SERAC1: variants seen among roughly 807,000 people sequenced by gnomAD.
SERAC1 encodes protein SERAC1.
Under a neutral mutation model 85.7 loss-of-function variants are expected in SERAC1, and 36 were observed. That is an observed-to-expected ratio of 0.42 (90% CI 0.32 to 0.55). The LOEUF is 0.55. SERAC1 is among the 20% of genes least tolerant of loss of function. The pLI is 0.11. For synonymous variants in SERAC1, 242 were observed against 265.3 expected, an observed-to-expected ratio of 0.91 and a Z score of 0.85; for missense variants, 629 against 796.2, an observed-to-expected ratio of 0.79 and a Z score of 2.53.
chr6:158,111,648 T>C (rs939501674), intron 16 of SERAC1, 146 bp from the exon 17 acceptor site: 4 of 560,522 alleles, frequency 7.1e-6, no homozygotes, highest in South Asian at 5.6e-5. Flanking sequence ...TGAAGTTTGA[T>C]TGCAGCTAAA....
intron 8 of SERAC1, 130 bp downstream of exon 8, chr6:158,142,926 G>T (rs1784951502): frequency 2.9e-6 from 2 of 690,684 alleles, no homozygotes; most frequent in African/African-American, 1.8e-5. Context: ...CTGACATCCA[G>T]CCCAGGGCAT....
At chr6:158,140,498 G>A (rs1471674166) in intron 8 of SERAC1, among the ~76,000 whole-genome samples, 1 of 152,196 alleles carries the variant, frequency 6.6e-6, no homozygotes, top group Non-Finnish European at 1.5e-5. Context: ...CTTGCCCTAC[G>A]CATGTCTTCC....
Position 158,119,495 on chromosome 6 carries a change from T to G in SERAC1, c.1167-325A>C, listed in dbSNP as rs1208381090. 6.6e-6 allele frequency among the ~76,000 whole-genome samples: 1 copy of G among 152,222 alleles called. No homozygotes were observed. The highest frequency in any genetic ancestry group is 1.5e-5 in the Non-Finnish European group (1 of 68,042). On this transcript the variant is annotated intron_variant, in intron 11 of 16. Coordinates refer to ENST00000647468, the MANE Select transcript of SERAC1 (RefSeq NM_032861.4). The surrounding 1 kb of genome is among the most constrained non-coding windows in gnomAD (Gnocchi z 4.5). The stretch of plus-strand genomic sequence containing the variant: ...TCTAAAGACTTCCATTTGAGAATAT[T>G]CTACAAATCAATAAAAGTATTTAAG...
chr6:158,128,536 T>A lies in SERAC1; in HGVS notation c.853-266A>T, dbSNP rs1784599155. 3.3e-5 allele frequency among the ~76,000 whole-genome samples: 5 copies of A among 152,226 alleles called. No individual in the cohort carries two copies. The South Asian group carries it at 1.0e-3, about 31-fold the overall frequency. Reference sequence around the variant, plus strand: ...TATTCTCATTCTGCTTAGCTCTTGGTTGGATGTAACCTGACAATGTCATTA... The same window carrying A: ...TATTCTCATTCTGCTTAGCTCTTGGATGGATGTAACCTGACAATGTCATTA... On this transcript the variant is annotated intron_variant, in intron 9 of 16. Transcript: ENST00000647468.
rs1784377477 is a variant in SERAC1 at position 158,119,806 on chromosome 6, T to C, written c.1166+619A>G. Among the ~76,000 whole-genome samples, 1 of 152,250 alleles carries C rather than the reference T, an allele frequency of 6.6e-6. No individual in the cohort carries two copies. The highest frequency in any genetic ancestry group is 6.5e-5 in the Admixed American group (1 of 15,288). On this transcript the variant is annotated intron_variant, in intron 11 of 16. Coordinates refer to ENST00000647468, the MANE Select transcript of SERAC1 (RefSeq NM_032861.4). This position sits in a 1 kb window ranked among gnomAD's most constrained non-coding sequence, Gnocchi z 4.5. ...TAAAAGTTTTTGCTATTTTCTGAGG[T>C]ACTTTTTGTAAAGTGCCCTAAGAAA...
chr6:158,111,019 G>A lies in SERAC1; in HGVS notation c.*347C>T, dbSNP rs906807556. On this transcript the variant is annotated 3_prime_UTR_variant, in exon 17 of 17. Transcript: ENST00000647468. ...AAGTTGAGTTACCTCAGAACCTGCC[G>A]TGCCCCTCCTGGATGCACCAGGAAA... 28 of 167,680 alleles carry A rather than the reference G, an allele frequency of 1.7e-4. No homozygotes were observed. The highest frequency in any genetic ancestry group is 6.3e-4 in the Admixed American group (10 of 15,940). 10.4% of individuals were successfully genotyped at this position (167,680 alleles called of 1,614,324 possible).
At chr6:158,123,136 G>A (rs1315064287) in intron 10 of SERAC1, among the ~76,000 whole-genome samples, 4 of 152,210 alleles carry the variant, frequency 2.6e-5, no homozygotes, top group Non-Finnish European at 4.4e-5. Context: ...GAGAAGTAAT[G>A]AAGGCTGAGC....
intron 8 of SERAC1, among the ~76,000 whole-genome samples, chr6:158,138,370 G>A (rs1316673992): frequency 2.7e-5 from 4 of 149,432 alleles, no homozygotes; most frequent in Non-Finnish European, 5.9e-5. Context: ...AGGAGGCAGA[G>A]GTGGTAGTGA....
At chr6:158,145,838 T>G (rs1785042926) in intron 6 of SERAC1, 1 of 152,154 alleles carries the variant, frequency 6.6e-6, no homozygotes, top group Non-Finnish European at 1.5e-5. Context: ...AATTATTTTT[T>G]TCTACTTTTC....
chr6:158,137,395 C>A (rs1214829172), intron 8 of SERAC1, among the ~76,000 whole-genome samples: 1 of 151,152 alleles, frequency 6.6e-6, no homozygotes, highest in South Asian at 2.1e-4. Context: ...TTTTTTGAGA[C>A]GGAGTCTTGC....
At chr6:158,154,600 G>T (rs769538189) in intron 3 of SERAC1, among the ~76,000 whole-genome samples, 12 of 152,214 alleles carry the variant, frequency 7.9e-5, no homozygotes, top group Admixed American at 7.2e-4. Flanking sequence ...AAGTAAAAGA[G>T]TATGAAAAAT....
intron 5 of SERAC1, among the ~76,000 whole-genome samples, chr6:158,147,768 CAAAA>C (rs71027383): frequency 0.011 from 786 of 68,916 alleles, 8 homozygotes; most frequent in African/African-American, 0.051. Flanking sequence ...GGCTCTGTCT[CAAAA>C]AAAAAAAAAA....
chr6:158,143,816 G>A (rs546395809), intron 7 of SERAC1, among the ~76,000 whole-genome samples: 3 of 152,244 alleles, frequency 2.0e-5, no homozygotes, highest in East Asian at 1.9e-4. Context: ...ACCAGGGCCT[G>A]TTTTGCCCCA....
chr6:158,115,651 G>T (rs1332147241), intron 14 of SERAC1, among the ~76,000 whole-genome samples: 1 of 152,098 alleles, frequency 6.6e-6, no homozygotes, highest in Non-Finnish European at 1.5e-5. Context: ...AAAGTGGACT[G>T]GGGGAGTCGC....
chr6:158,142,194 G>A (rs1784933730), intron 8 of SERAC1, among the ~76,000 whole-genome samples: 1 of 151,100 alleles, frequency 6.6e-6, no homozygotes, highest in Non-Finnish European at 1.5e-5. Context: ...AGGGTCTCAT[G>A]CTGTTGCCCA....
intron 6 of SERAC1, 103 bp downstream of exon 6, chr6:158,146,679 G>T: frequency 6.9e-7 from 1 of 1,443,612 alleles, no homozygotes; most frequent in Non-Finnish European, 9.4e-7. Flanking sequence ...CAAAGTGCTG[G>T]GATTACAGGC....
chr6:158,145,567 C>T (rs2128420655), intron 6 of SERAC1, among the ~76,000 whole-genome samples: 2 of 142,946 alleles, frequency 1.4e-5, no homozygotes, highest in South Asian at 4.4e-4. Flanking sequence ...GTTGTCCAGG[C>T]TGGAGTGGAG....
chr6:158,139,614 A>G (rs981071806), intron 8 of SERAC1, among the ~76,000 whole-genome samples: 4 of 152,212 alleles, frequency 2.6e-5, no homozygotes, highest in African/African-American at 9.6e-5. Flanking sequence ...AGCCTCAGCT[A>G]TTCAGGAGGC....
chr6:158,122,935 C>T (rs377443417), intron 10 of SERAC1, among the ~76,000 whole-genome samples: 50 of 152,128 alleles, frequency 3.3e-4, no homozygotes, highest in Admixed American at 2.9e-3. Flanking sequence ...CACATGAGTA[C>T]GCCATTGTTT....
Sources: gnomAD v4.1 joint callset for allele counts (sites outside exome capture counted in the v4.1 genomes callset) on GRCh38, gnomAD v4.1.1 for gene constraint, Gnocchi (gnomAD v3.1) non-coding constraint, MANE v1.5 for transcripts, NCBI Gene and HGNC (gene_info 2026-07-23, HGNC 2026-07-21) for gene names.